The following RFX7 variants were observed in gnomAD, a reference collection of about 807,000 sequenced individuals.
RFX7 encodes the protein DNA-binding protein RFX7.
Under a neutral mutation model 111.8 loss-of-function variants are expected in RFX7, and 26 were observed. The ratio of observed to expected loss-of-function variants is 0.23; its 90% CI spans 0.17 to 0.32. The LOEUF (loss-of-function observed/expected upper bound fraction) is 0.32. RFX7 is among the 10% of genes least tolerant of loss of function. The pLI, the probability that RFX7 is intolerant of heterozygous loss-of-function variation, is 1.00. For synonymous variants in RFX7, 624 were observed against 624.4 expected, an observed-to-expected ratio of 1.00 and a Z score of 0.01; for missense variants, 1,573 against 1,772.9, an observed-to-expected ratio of 0.89 and a Z score of 2.02.
intron 5 of RFX7, among the ~76,000 whole-genome samples, chr15:56,128,111 A>G (rs570174575): frequency 2.6e-4 from 40 of 152,222 alleles, no homozygotes; most frequent in Non-Finnish European, 5.0e-4. Context: ...AGTAACAGAG[A>G]TTGAATTAGT....
At chr15:56,219,103 A>T (rs1389747805) in intron 2 of RFX7, among the ~76,000 whole-genome samples, 1 of 152,186 alleles carries the variant, frequency 6.6e-6, no homozygotes, top group African/African-American at 2.4e-5. Context: ...AAGACTACAA[A>T]ATTAACTTTT....
intron 5 of RFX7, among the ~76,000 whole-genome samples, chr15:56,138,797 T>G (rs2042344661): frequency 6.6e-6 from 1 of 151,982 alleles, no homozygotes; most frequent in Non-Finnish European, 1.5e-5. Flanking sequence ...AGGAGCTCTT[T>G]TAGGGCAGGC....
At position 56,144,406 on chromosome 15, in the gene RFX7, C is replaced by T; in HGVS notation, c.273G>A (p.Glu91=). ...LQLPSGLSNG[E]KSDQNAMSSS... is the part of the protein sequence containing the mutation. Reference sequence around the variant, plus strand: ...AAAGACAAGAATAGATATACCTTTTCTCTCCATTGCTGAGACCAGAAGGCA... The same window carrying T: ...AAAGACAAGAATAGATATACCTTTTTTCTCCATTGCTGAGACCAGAAGGCA... The change falls in exon 4 of 10, where the codon GAG becomes GAA. Residue 91 remains glutamate (E), a synonymous_variant. Transcript: ENST00000559447. 7.4e-7 allele frequency: 1 copy of T among 1,356,708 alleles called. No individual in the cohort carries two copies. The highest frequency in any genetic ancestry group is 9.9e-7 in the Non-Finnish European group (1 of 1,012,262). 84.0% of individuals were successfully genotyped at this position (1,356,708 alleles called of 1,614,324 possible).
chr15:56,180,860 T>A (rs1341663095), intron 2 of RFX7, among the ~76,000 whole-genome samples: 1 of 151,402 alleles, frequency 6.6e-6, no homozygotes, highest in Non-Finnish European at 1.5e-5. Context: ...GAGGTTGCAG[T>A]GAGGTGAGAT....
rs754317410 is a variant in RFX7 at position 56,093,528 on chromosome 15, T to G, written c.4200A>C (p.Leu1400Phe). The G allele has an allele frequency of 6.2e-7, 1 of 1,613,916 alleles. No individual in the cohort carries two copies. Among genetic ancestry groups the G allele is most frequent in the East Asian group, 2.2e-5 (1 of 44,872 alleles). The change falls in exon 10 of 10, where the codon TTA becomes TTC. Residue 1400 changes from leucine to phenylalanine, a missense_variant. By Grantham distance (22) the Leu-to-Phe change is conservative (BLOSUM62 0). This residue lies in a region of RFX7 where 411 missense variants were observed against 478.1 expected (regional missense o/e 0.86). Coordinates refer to ENST00000559447, the MANE Select transcript of RFX7 (RefSeq NM_022841.7). ...CTGGATCAAACAGTAGATTTGGGTC[T>G]AAAGTGTTCAAATCATTGATGCTGC... Reference protein sequence around the residue: ...LSGSINDLNTLDPNLLFDPGR... With the variant: ...LSGSINDLNTFDPNLLFDPGR...
intron 5 of RFX7, among the ~76,000 whole-genome samples, chr15:56,132,633 T>C (rs1305646625): frequency 6.6e-6 from 1 of 150,712 alleles, no homozygotes; most frequent in South Asian, 2.1e-4. Context: ...TGGCATGGAG[T>C]TTTTTCTAAG....
chr15:56,106,211 TTTATA>T (rs1167208362), intron 5 of RFX7, among the ~76,000 whole-genome samples: 2 of 152,244 alleles, frequency 1.3e-5, no homozygotes, highest in African/African-American at 4.8e-5. Context: ...TTCAATACAA[TTTATA>T]TTGTGTGGTT....
chr15:56,112,462 C>T (rs2041953144), intron 5 of RFX7, among the ~76,000 whole-genome samples: 1 of 146,024 alleles, frequency 6.8e-6, no homozygotes, highest in Admixed American at 6.8e-5. Flanking sequence ...ATGCAGAAAA[C>T]TGAAACTGGA....
intron 5 of RFX7, among the ~76,000 whole-genome samples, chr15:56,127,723 T>C (rs1447810775): frequency 1.3e-5 from 2 of 151,736 alleles, no homozygotes; most frequent in African/African-American, 2.4e-5. Flanking sequence ...AATTTTTGTA[T>C]TTTCAGTAGA....
intron 3 of RFX7, among the ~76,000 whole-genome samples, chr15:56,174,413 A>G (rs2042878936): frequency 6.6e-6 from 1 of 152,170 alleles, no homozygotes; most frequent in Non-Finnish European, 1.5e-5. Context: ...ATAGAGAAAC[A>G]AACTATTAGT....
intron 3 of RFX7, among the ~76,000 whole-genome samples, chr15:56,149,703 ACCAGGAGATT>A (rs1483157878): frequency 6.6e-6 from 1 of 152,008 alleles, no homozygotes; most frequent in African/African-American, 2.4e-5. Flanking sequence ...TAACCCACAA[ACCAGGAGATT>A]CCCTCTGGTG....
intron 2 of RFX7, among the ~76,000 whole-genome samples, chr15:56,240,744 T>G (rs1296291226): frequency 6.6e-6 from 1 of 152,144 alleles, no homozygotes; most frequent in African/African-American, 2.4e-5. Flanking sequence ...ATTCAGGAAG[T>G]AGTACAAAAC....
intron 5 of RFX7, among the ~76,000 whole-genome samples, chr15:56,137,427 T>C (rs1172301232): frequency 6.6e-6 from 1 of 152,238 alleles, no homozygotes; most frequent in Non-Finnish European, 1.5e-5. Flanking sequence ...TATTCTCTGA[T>C]GTTAGTTTGC....
Position 56,131,397 on chromosome 15 carries a change from G to A in RFX7, c.401+11381C>T, listed in dbSNP as rs530289698. ...ATCCTCCAACTCAGACTCTCGTATA[G>A]CTAGCACTACCGGTGCATGCCACCA... On this transcript the variant is annotated intron_variant, in intron 5 of 9. Coordinates refer to ENST00000559447, the MANE Select transcript of RFX7 (RefSeq NM_022841.7). Among the ~76,000 whole-genome samples the A allele has an allele frequency of 2.8e-5, 4 of 144,296 alleles. No homozygotes were observed. In the South Asian group the frequency reaches 8.7e-4, roughly 31 times the overall value. 94.7% of individuals were successfully genotyped at this position (144,296 alleles called of 152,430 possible).
At chr15:56,132,836 G>A (rs2042237191) in intron 5 of RFX7, among the ~76,000 whole-genome samples, 1 of 152,042 alleles carries the variant, frequency 6.6e-6, no homozygotes, top group Non-Finnish European at 1.5e-5. Context: ...ATAAATAACA[G>A]TATTTAGCCA....
At position 56,142,784 on chromosome 15, in the gene RFX7, T is replaced by A. The variant is rs765096345; in HGVS notation, c.395A>T (p.Glu132Val). 1 of 1,613,082 alleles carries A rather than the reference T, an allele frequency of 6.2e-7. No individual in the cohort carries two copies. The highest frequency in any genetic ancestry group is 8.5e-7 in the Non-Finnish European group (1 of 1,179,400). ...TSLPKQEVYD[E>V]YKSYCDNLGY... is the part of the protein sequence containing the mutation. ...TATTACACATACTACTTACTTGTAC[T>A]CATCATAGACTTCCTGTTTGGGCAG... The change falls in exon 5 of 10, where the codon GAG becomes GTG. Residue 132 changes from glutamate (E) to valine (V), a missense_variant. Coordinates refer to ENST00000559447, the MANE Select transcript of RFX7 (RefSeq NM_022841.7).
At chr15:56,188,324 G>A (rs1353767260) in intron 2 of RFX7, among the ~76,000 whole-genome samples, 1 of 151,992 alleles carries the variant, frequency 6.6e-6, no homozygotes, top group African/African-American at 2.4e-5. Flanking sequence ...AATATCAAGT[G>A]GTCTAACTAT....
intron 2 of RFX7, among the ~76,000 whole-genome samples, chr15:56,201,403 C>A (rs1360497150): frequency 6.6e-6 from 1 of 151,974 alleles, no homozygotes; most frequent in African/African-American, 2.4e-5. Context: ...AGTAATAGAA[C>A]CAAAGGAAAG....
At position 56,087,419 on chromosome 15, in the gene RFX7, G is replaced by T. The variant is rs1328641967; in HGVS notation, c.*5926C>A. 2.2e-6 allele frequency: 1 copy of T among 456,548 alleles called. No individual in the cohort carries two copies. Among genetic ancestry groups the T allele is most frequent in the Non-Finnish European group, 4.4e-6 (1 of 226,948 alleles). 28.3% of individuals were successfully genotyped at this position (456,548 alleles called of 1,614,324 possible). On this transcript the variant is annotated 3_prime_UTR_variant, in exon 10 of 10. Transcript: ENST00000559447. ...GTATCTTGTTGCTCAATCATCCTCA[G>T]CATGTGTCTTTAACATGAAGTCCAG...
Sources: allele counts gnomAD v4.1 joint callset (sites outside exome capture counted in the v4.1 genomes callset), GRCh38; gene constraint gnomAD v4.1.1; regional missense constraint gnomAD v4.1.1; transcripts MANE v1.5; gene names NCBI Gene and HGNC (gene_info 2026-07-23, HGNC 2026-07-21).